Variants in SORCS3 observed in about 807,000 individuals in gnomAD.
The protein encoded by SORCS3 is sortilin related VPS10 domain containing receptor 3.
SORCS3 carries 57 observed loss-of-function variants against 146.3 expected under a neutral mutation model. That is an observed-to-expected ratio of 0.39 (90% CI 0.31 to 0.49). The LOEUF (loss-of-function observed/expected upper bound fraction) is 0.49. Ranked by LOEUF, SORCS3 falls within the 20% of genes least tolerant of loss-of-function variation. The probability of loss-of-function intolerance (pLI) is 0.92; values close to 1 mark genes in which losing one functional copy is unlikely to be tolerated. For missense variants in SORCS3, 1,341 were observed against 1,575.5 expected (o/e 0.85, Z 2.52); for synonymous variants, 653 against 618.5 (o/e 1.06, Z -0.83).
At chr10:104,831,482 C>A (rs570314633) in intron 1 of SORCS3, among the ~76,000 whole-genome samples, 1 of 152,104 alleles carries the variant, frequency 6.6e-6, no homozygotes, top group Non-Finnish European at 1.5e-5. Flanking sequence ...GGGCCAGTTG[C>A]GATTCCAAAG....
At chr10:104,796,606 T>C (rs1233925549) in intron 1 of SORCS3, among the ~76,000 whole-genome samples, 1 of 152,238 alleles carries the variant, frequency 6.6e-6, no homozygotes, top group Non-Finnish European at 1.5e-5. Flanking sequence ...GTTGGAAATA[T>C]ACAGTTTTCT....
At chr10:104,692,446 C>A (rs896629650) in intron 1 of SORCS3, among the ~76,000 whole-genome samples, 5 of 152,166 alleles carry the variant, frequency 3.3e-5, no homozygotes, top group African/African-American at 1.2e-4. Flanking sequence ...TGGACCATGG[C>A]TTATATTACT....
At chr10:104,771,763 T>C (rs1248383585) in intron 1 of SORCS3, among the ~76,000 whole-genome samples, 3 of 151,782 alleles carry the variant, frequency 2.0e-5, no homozygotes, top group African/African-American at 7.3e-5. Flanking sequence ...TTCTCATGCA[T>C]GCCACTGGTG....
chr10:105,044,229 C>A (rs1207340736), intron 5 of SORCS3, among the ~76,000 whole-genome samples: 1 of 151,878 alleles, frequency 6.6e-6, no homozygotes, highest in Non-Finnish European at 1.5e-5. Context: ...ATGAGCTGGC[C>A]ATCAGTGTCA....
At chr10:105,171,264 C>T (rs11192349) in intron 13 of SORCS3, among the ~76,000 whole-genome samples, 13,537 of 152,190 alleles carry the variant, frequency 0.089, 747 homozygotes, top group Admixed American at 0.16. Context: ...CAAATGAATC[C>T]ATCTGTTTGT....
chr10:105,165,217 G>A (rs191273363), intron 12 of SORCS3, among the ~76,000 whole-genome samples: 2 of 152,154 alleles, frequency 1.3e-5, no homozygotes, highest in East Asian at 3.9e-4. Context: ...GGAGAAATGG[G>A]TTCGTAGCTA....
intron 4 of SORCS3, among the ~76,000 whole-genome samples, chr10:104,988,737 T>C (rs2054976276): frequency 6.6e-6 from 1 of 152,192 alleles, no homozygotes; most frequent in Non-Finnish European, 1.5e-5. Context: ...ATGCTTTAAA[T>C]GAAAAGAAGG....
chr10:104,932,117 T>C (rs1250447018), intron 3 of SORCS3, among the ~76,000 whole-genome samples: 1 of 152,172 alleles, frequency 6.6e-6, no homozygotes, highest in African/African-American at 2.4e-5. Flanking sequence ...ACATCAGCAT[T>C]CTATAGCTCA....
At chr10:104,883,657 T>C (rs915423769) in intron 2 of SORCS3, among the ~76,000 whole-genome samples, 1 of 152,024 alleles carries the variant, frequency 6.6e-6, no homozygotes, top group African/African-American at 2.4e-5. Flanking sequence ...GAATATCTTA[T>C]TTTTTATTGT....
intron 2 of SORCS3, among the ~76,000 whole-genome samples, chr10:104,873,557 T>A (rs1589531799): frequency 6.6e-6 from 1 of 152,216 alleles, no homozygotes; most frequent in East Asian, 1.9e-4. Flanking sequence ...AACAATTGCC[T>A]TTTGGGGGCA....
intron 2 of SORCS3, among the ~76,000 whole-genome samples, chr10:104,903,257 T>C (rs2133591494): frequency 6.6e-6 from 1 of 152,328 alleles, no homozygotes; most frequent in South Asian, 2.1e-4. Flanking sequence ...ATGCAAATGT[T>C]AGTTACTTAA....
At chr10:105,195,904 T>C (rs1314163690) in intron 14 of SORCS3, among the ~76,000 whole-genome samples, 1 of 152,282 alleles carries the variant, frequency 6.6e-6, no homozygotes, top group East Asian at 1.9e-4. Context: ...GAGAGGAAAC[T>C]AGCACACTCC....
intron 3 of SORCS3, among the ~76,000 whole-genome samples, chr10:104,928,131 C>T (rs879517088): frequency 5.9e-5 from 9 of 151,970 alleles, no homozygotes; most frequent in Non-Finnish European, 1.3e-4. Context: ...GAATAGGGTA[C>T]GACTAGATAT....
chr10:105,084,977 G>A (rs1324968686), intron 5 of SORCS3, among the ~76,000 whole-genome samples: 4 of 151,982 alleles, frequency 2.6e-5, no homozygotes, highest in South Asian at 2.1e-4. Flanking sequence ...TGATCCGCCC[G>A]ACTCGGCCTC....
chr10:105,013,731 T>C (rs529570337), intron 4 of SORCS3, among the ~76,000 whole-genome samples: 6 of 152,216 alleles, frequency 3.9e-5, no homozygotes, highest in African/African-American at 1.2e-4. Context: ...GAATCCTCAA[T>C]AGCATGAAAA....
rs553441513 is a variant in SORCS3 at position 104,964,807 on chromosome 10, A to G, written c.796-12528A>G. On this transcript the variant is annotated intron_variant, in intron 3 of 26. Coordinates refer to ENST00000369701, the MANE Select transcript of SORCS3 (RefSeq NM_014978.3). Reference sequence around the variant, plus strand: ...TTAAGTACACATTGTTTTACGACCAATCTCCAAATTTCTTTTCATCTTGCA... The same window carrying G: ...TTAAGTACACATTGTTTTACGACCAGTCTCCAAATTTCTTTTCATCTTGCA... Among the ~76,000 whole-genome samples the G allele has an allele frequency of 2.6e-5, 4 of 152,144 alleles. No homozygotes were observed. In the South Asian group the frequency reaches 6.2e-4, roughly 24 times the overall value.
At chr10:104,658,110 T>G (rs2015654913) in intron 1 of SORCS3, among the ~76,000 whole-genome samples, 1 of 152,242 alleles carries the variant, frequency 6.6e-6, no homozygotes. Flanking sequence ...GTTTTCTTTC[T>G]TGTGCACTTA....
rs566746513 is a variant in SORCS3, at chr10:105,044,044, A to C, written c.1028+916A>C. On this transcript the variant is annotated intron_variant, in intron 5 of 26. Coordinates refer to ENST00000369701, the MANE Select transcript of SORCS3 (RefSeq NM_014978.3). ...GAGATTAAGAGGCATACACCAAAGT[A>C]TATAGCATGCTTAATTATATGCTTA... is the stretch of plus-strand genomic sequence containing the variant. 2.6e-5 allele frequency among the ~76,000 whole-genome samples: 4 copies of C among 152,242 alleles called. No homozygotes were observed. In the East Asian group the frequency reaches 7.7e-4, roughly 29 times the overall value.
At chr10:104,657,573 C>T (rs2015647678) in intron 1 of SORCS3, among the ~76,000 whole-genome samples, 1 of 152,152 alleles carries the variant, frequency 6.6e-6, no homozygotes, top group Non-Finnish European at 1.5e-5. Context: ...TTTTCTGGAG[C>T]TGAATGCGGT....
Sources: gnomAD v4.1 joint callset for allele counts (sites outside exome capture counted in the v4.1 genomes callset) on GRCh38, gnomAD v4.1.1 for gene constraint, MANE v1.5 for transcripts, NCBI Gene and HGNC (gene_info 2026-07-23, HGNC 2026-07-21) for gene names.